The following MTREX variants were observed in gnomAD, a reference collection of about 807,000 sequenced individuals.
MTREX encodes the protein exosome RNA helicase MTR4.
A neutral mutation model predicts 135.4 loss-of-function variants in MTREX; 76 were observed. That is an observed-to-expected ratio of 0.56 (90% CI 0.47 to 0.68). MTREX has a LOEUF of 0.68. Ranked by LOEUF, MTREX falls within the 30% of genes least tolerant of loss-of-function variation. The pLI is 0.00. For missense variants in MTREX, 920 were observed against 1,262.1 expected (o/e 0.73, Z 4.11); for synonymous variants, 404 against 401.6 (o/e 1.01, Z -0.07).
In MTREX at chr5:55,425,195, C is replaced by T; in HGVS notation, c.*423C>T. The T allele has an allele frequency of 6.2e-7, 1 of 1,610,906 alleles. No individual in the cohort carries two copies. The highest frequency in any genetic ancestry group is 8.5e-7 in the Non-Finnish European group (1 of 1,179,142). ...AAACAGGCCAGCTTCACCTGGGCAC[C>T]CTGCTGCCTTTCAAGGCTGGTGATT... On this transcript the variant is annotated 3_prime_UTR_variant, in exon 27 of 27. Transcript: ENST00000230640.
In MTREX at chr5:55,311,840, C is replaced by T. The variant is rs116685714; in HGVS notation, c.134+3693C>T. 3.6e-3 allele frequency among the ~76,000 whole-genome samples: 546 copies of T among 152,140 alleles called. 2 individuals carry two copies. Among genetic ancestry groups the T allele is most frequent in the African/African-American group, 0.012 (501 of 41,500 alleles). On this transcript the variant is annotated intron_variant, in intron 1 of 26. Transcript: ENST00000230640. ...CAATGAAAGATATTAAAATTTATTT[C>T]AACAGTTTCTTTTTACCTTTTTAAA...
chr5:55,414,745 G>A (rs961184148), intron 24 of MTREX, among the ~76,000 whole-genome samples: 20 of 152,242 alleles, frequency 1.3e-4, no homozygotes, highest in Admixed American at 2.0e-4. Flanking sequence ...CACCTTCCAC[G>A]TTCAAATGAT....
intron 15 of MTREX, among the ~76,000 whole-genome samples, chr5:55,358,948 G>A (rs1279266491): frequency 6.6e-6 from 1 of 151,714 alleles, no homozygotes; most frequent in Non-Finnish European, 1.5e-5. Flanking sequence ...GGGCAGAAAT[G>A]TTTACTTTGT....
chr5:55,330,210 G>A (rs751513851), intron 5 of MTREX, among the ~76,000 whole-genome samples: 1 of 151,936 alleles, frequency 6.6e-6, no homozygotes, highest in South Asian at 2.1e-4. Context: ...CTAGTAGCTG[G>A]GACCACAGGC....
intron 25 of MTREX, 109 bp from the exon 26 acceptor site, chr5:55,422,769 C>T (rs1022548492): frequency 6.5e-6 from 5 of 773,682 alleles, no homozygotes; most frequent in Admixed American, 5.6e-5. Flanking sequence ...TGGGAAGTCC[C>T]TCAAAGTACT....
intron 1 of MTREX, among the ~76,000 whole-genome samples, chr5:55,319,077 T>C (rs1373624117): frequency 6.6e-6 from 1 of 152,194 alleles, no homozygotes; most frequent in Non-Finnish European, 1.5e-5. Context: ...TGTTTGTGGA[T>C]ACATAATTTT....
intron 20 of MTREX, among the ~76,000 whole-genome samples, chr5:55,398,274 T>C (rs1750675606): frequency 1.7e-5 from 1 of 59,410 alleles, no homozygotes; most frequent in Admixed American, 2.4e-4. Context: ...AGGAAGTGAT[T>C]TTAACGAAGT....
intron 5 of MTREX, 28 bp downstream of exon 5, chr5:55,328,839 T>G (rs1319688423): frequency 7.1e-7 from 1 of 1,401,382 alleles, no homozygotes; most frequent in Non-Finnish European, 1.0e-6. Context: ...TAAAGTCACT[T>G]TGTTTCTTAT....
At chr5:55,397,598 A>C in intron 20 of MTREX, 72 bp downstream of exon 20, 2 of 808,228 alleles carry the variant, frequency 2.5e-6, no homozygotes, top group South Asian at 4.5e-5. Flanking sequence ...GAGGCAACTG[A>C]AATGCTTTTA....
rs763480929 is a variant in MTREX at position 55,350,909 on chromosome 5, A to G, written c.1321-10A>G. 7 of 1,579,032 alleles carry G rather than the reference A, an allele frequency of 4.4e-6. No individual in the cohort carries two copies. In the Admixed American group the frequency reaches 1.1e-4, roughly 26 times the overall value. On this transcript the variant is annotated splice_polypyrimidine_tract_variant and intron_variant, in intron 12 of 26. Coordinates refer to ENST00000230640, the MANE Select transcript of MTREX (RefSeq NM_015360.5). The stretch of plus-strand genomic sequence containing the variant: ...ATCATTATAAAATCAGTGTTATTCC[A>G]AAATCACAGGTAGAACATGTACTTC...
At chr5:55,416,666 A>C (rs230763) in intron 25 of MTREX, among the ~76,000 whole-genome samples, 130,684 of 152,042 alleles carry the variant, frequency 0.86, 56,556 homozygotes, top group South Asian at 0.92. Context: ...AATATAAGGA[A>C]TAAGTGAATA....
intron 14 of MTREX, among the ~76,000 whole-genome samples, chr5:55,354,415 G>A (rs1425460728): frequency 1.3e-5 from 2 of 152,170 alleles, no homozygotes; most frequent in African/African-American, 4.8e-5. Flanking sequence ...ACATAGCCTG[G>A]CTTTGGGGAA....
chr5:55,362,083 A>ATTTTTTTTTTTTTTTT (rs35074192), intron 15 of MTREX, among the ~76,000 whole-genome samples: 41 of 111,168 alleles, frequency 3.7e-4, no homozygotes, highest in African/African-American at 8.1e-4. Flanking sequence ...CGTCTGGCTA[A>ATTTTTTTTTTTTTTTT]TTTTTTTTTT....
At chr5:55,346,653 TG>T (rs1452120825) in intron 10 of MTREX, among the ~76,000 whole-genome samples, 1 of 152,180 alleles carries the variant, frequency 6.6e-6, no homozygotes, top group Non-Finnish European at 1.5e-5. Context: ...TTTAAAAGTA[TG>T]TTTTTTTATT....
chr5:55,422,972 A>C lies in MTREX; in HGVS notation c.3066A>C (p.Lys1022Asn). The C allele has an allele frequency of 6.2e-7, 1 of 1,613,446 alleles. No homozygotes were observed. Among genetic ancestry groups the C allele is most frequent in the Non-Finnish European group, 8.5e-7 (1 of 1,179,544 alleles). ...TTGGAAACACTGAGCTGGAAAATAA[A>C]TTTGCAGAAGGTCAGTATCAAATGG... The part of the protein sequence containing the change: ...KAIGNTELEN[K>N]FAEGITKIKR... The change falls in exon 26 of 27, where the codon AAA (lysine) becomes AAC (asparagine). Residue 1022 changes from lysine to asparagine, a missense_variant. Physicochemically the swap from Lys to Asn is moderately conservative, Grantham distance 94. Transcript: ENST00000230640.
intron 1 of MTREX, 68 bp downstream of exon 1, chr5:55,308,215 CTT>C (rs899052058): frequency 2.0e-6 from 3 of 1,497,224 alleles, no homozygotes; most frequent in African/African-American, 1.4e-5. Context: ...ACACTACTCT[CTT>C]AGGAAGAGCA....
intron 16 of MTREX, among the ~76,000 whole-genome samples, chr5:55,374,193 G>A (rs1257156778): frequency 6.6e-6 from 1 of 151,586 alleles, no homozygotes; most frequent in Non-Finnish European, 1.5e-5. Flanking sequence ...GGAGGCAGAG[G>A]TTGCAGTGAG....
rs57156858 is a variant in MTREX at position 55,361,912 on chromosome 5, G to GTTTGTTTGTTTGTTTGTT, written c.1659+3221_1659+3222insGTTTGTTTGTTTTTGTTT. 1.7e-4 allele frequency among the ~76,000 whole-genome samples: 26 copies of GTTTGTTTGTTTGTTTGTT among 150,512 alleles called. No individual in the cohort carries two copies. The East Asian group carries it at 3.2e-3, about 18-fold the overall frequency. On this transcript the variant is annotated intron_variant, in intron 15 of 26. Transcript: ENST00000230640. Reference sequence around the variant, plus strand: ...CCAGCCTTGTTGTTGTTGTTTGTTTGTTTGTTTTTGTTTTTGTTTTTGGAG... The same window carrying GTTTGTTTGTTTGTTTGTT: ...CCAGCCTTGTTGTTGTTGTTTGTTTGTTTGTTTGTTTGTTTGTTTTTGTTTTTGTTTTTGTTTTTGGAG...
intron 21 of MTREX, among the ~76,000 whole-genome samples, chr5:55,403,194 C>T (rs1056050033): frequency 6.6e-6 from 1 of 151,516 alleles, no homozygotes; most frequent in Non-Finnish European, 1.5e-5. Flanking sequence ...GAGTGAGACC[C>T]TATCTCTTTA....
Sources: allele counts gnomAD v4.1 joint callset (sites outside exome capture counted in the v4.1 genomes callset), GRCh38; gene constraint gnomAD v4.1.1; transcripts MANE v1.5; gene names NCBI Gene and HGNC (gene_info 2026-07-23, HGNC 2026-07-21).